The following GPHN variants were observed in gnomAD, a reference collection of about 807,000 sequenced individuals.
The protein encoded by GPHN is gephyrin.
A neutral mutation model predicts 95.5 loss-of-function variants in GPHN; 17 were observed. The observed-to-expected ratio is 0.18, with a 90% CI of 0.12 to 0.27. The LOEUF (loss-of-function observed/expected upper bound fraction) is 0.27, where lower values mean the gene tolerates loss of function less well. GPHN is among the 10% of genes least tolerant of loss of function. The probability of loss-of-function intolerance (pLI) is 1.00; values close to 1 mark genes in which losing one functional copy is unlikely to be tolerated. For missense variants in GPHN, 660 were observed against 978.1 expected (o/e 0.67, Z 4.34); for synonymous variants, 320 against 322.5 (o/e 0.99, Z 0.08).
At chr14:67,231,760 A>C in the GPHN span, among the ~76,000 whole-genome samples, 1 of 152,126 alleles carries the variant, frequency 6.6e-6, no homozygotes, top group Non-Finnish European at 1.5e-5. Context: ...TTGAGGTCGG[A>C]GTTAGAGACC....
At chr14:66,912,127 T>G (rs1424136401) in intron 5 of GPHN, among the ~76,000 whole-genome samples, 1 of 152,146 alleles carries the variant, frequency 6.6e-6, no homozygotes. Flanking sequence ...TTAAGATTAC[T>G]TTCCAGGGCC....
At chr14:67,487,403 A>G in the GPHN span, among the ~76,000 whole-genome samples, 8 of 152,212 alleles carry the variant, frequency 5.3e-5, no homozygotes. Context: ...GTCCAGGGTT[A>G]GGACTTAGGG....
At chr14:66,612,525 C>T (rs889916932) in intron 1 of GPHN, among the ~76,000 whole-genome samples, 1 of 152,018 alleles carries the variant, frequency 6.6e-6, no homozygotes, top group Admixed American at 6.6e-5. Flanking sequence ...ATTCTTGTTT[C>T]GTTTTTGCAT....
At chr14:67,709,948 T>C in the GPHN span, among the ~76,000 whole-genome samples, 1 of 152,214 alleles carries the variant, frequency 6.6e-6, no homozygotes, top group African/African-American at 2.4e-5. Flanking sequence ...CTCACTGAGA[T>C]AGATACATAT....
the GPHN span, among the ~76,000 whole-genome samples, chr14:67,608,923 A>G: frequency 6.6e-6 from 1 of 152,232 alleles, no homozygotes; most frequent in Non-Finnish European, 1.5e-5. Context: ...TCTGTGACCA[A>G]GCGTATGGGG....
chr14:67,723,390 C>T, the GPHN span, among the ~76,000 whole-genome samples: 1 of 152,174 alleles, frequency 6.6e-6, no homozygotes, highest in Admixed American at 6.5e-5. Flanking sequence ...GGTGCCACTA[C>T]ACCCAGCTAC....
chr14:66,835,771 C>G (rs1188930087), intron 4 of GPHN, among the ~76,000 whole-genome samples: 1 of 151,904 alleles, frequency 6.6e-6, no homozygotes, highest in Non-Finnish European at 1.5e-5. Context: ...AATCAATGTG[C>G]AAAAATCACA....
At chr14:66,561,873 G>T (rs148847773) in intron 1 of GPHN, among the ~76,000 whole-genome samples, 3 of 152,036 alleles carry the variant, frequency 2.0e-5, no homozygotes, top group African/African-American at 4.8e-5. Context: ...CTGGGGGCTC[G>T]CAGGGAGAAT....
At chr14:66,523,658 A>G (rs1056035681) in intron 1 of GPHN, among the ~76,000 whole-genome samples, 1 of 152,126 alleles carries the variant, frequency 6.6e-6, no homozygotes, top group African/African-American at 2.4e-5. Context: ...GGAAAATAAT[A>G]CTAATATGCC....
downstream of GPHN, among the ~76,000 whole-genome samples, chr14:67,186,141 A>G (rs2083366975): frequency 6.6e-6 from 1 of 152,190 alleles, no homozygotes. Context: ...TTTAACAAGC[A>G]TTTCTTAAAC....
downstream of GPHN, among the ~76,000 whole-genome samples, chr14:67,186,429 T>G (rs1454497632): frequency 6.6e-6 from 1 of 152,094 alleles, no homozygotes; most frequent in Non-Finnish European, 1.5e-5. Context: ...ATATGTTAAA[T>G]AGGTGTTGGA....
chr14:66,771,681 C>T (rs1213786294), intron 2 of GPHN, among the ~76,000 whole-genome samples: 1 of 151,170 alleles, frequency 6.6e-6, no homozygotes, highest in Non-Finnish European at 1.5e-5. Flanking sequence ...CCCACTAACT[C>T]GTCATCTAGC....
the GPHN span, among the ~76,000 whole-genome samples, chr14:67,448,810 G>A: frequency 6.6e-6 from 1 of 152,184 alleles, no homozygotes; most frequent in South Asian, 2.1e-4. Context: ...GGGCAATGAG[G>A]AAAAGGCCTT....
At chr14:67,589,639 C>T in the GPHN span, 75 of 986,244 alleles carry the variant, frequency 7.6e-5, no homozygotes, top group Non-Finnish European at 8.8e-5. Flanking sequence ...GACATTTCTT[C>T]CTGCTAACCA....
At chr14:66,717,818 T>G (rs1957299) in intron 2 of GPHN, among the ~76,000 whole-genome samples, 47,344 of 152,146 alleles carry the variant, frequency 0.31, 11,186 homozygotes, top group African/African-American at 0.64. Context: ...GCTCCAGGCT[T>G]GTACTAGGGG....
At chr14:67,657,122 T>C in the GPHN span, 1 of 152,340 alleles carries the variant, frequency 6.6e-6, no homozygotes, top group Non-Finnish European at 1.5e-5. Context: ...GCACCTGGTA[T>C]TTCCAGGTGG....
the GPHN span, among the ~76,000 whole-genome samples, chr14:67,422,826 C>CTTT: frequency 1.0e-3 from 117 of 115,810 alleles, no homozygotes; most frequent in Non-Finnish European, 1.3e-3. Flanking sequence ...CTTTCCCCAT[C>CTTT]TTTTTTTTTT....
the GPHN span, chr14:67,412,303 C>T: frequency 2.3e-6 from 1 of 429,908 alleles, no homozygotes; most frequent in African/African-American, 2.1e-5. Flanking sequence ...GTTGGTCCTC[C>T]AGGTACAGAG....
At chr14:66,741,692 A>G (rs2072806718) in intron 2 of GPHN, among the ~76,000 whole-genome samples, 1 of 152,140 alleles carries the variant, frequency 6.6e-6, no homozygotes, top group Non-Finnish European at 1.5e-5. Flanking sequence ...AATAAAAGTT[A>G]ATTTTCTAGC....
Sources: allele counts gnomAD v4.1 joint callset (sites outside exome capture counted in the v4.1 genomes callset), GRCh38; gene constraint gnomAD v4.1.1; transcripts MANE v1.5; gene names NCBI Gene and HGNC (gene_info 2026-07-23, HGNC 2026-07-21).